Variants in PGBD1 observed in about 807,000 individuals in gnomAD.
The protein encoded by PGBD1 is piggyBac transposable element-derived protein 1.
PGBD1 carries 25 observed loss-of-function variants against 34.7 expected under a neutral mutation model. That is an observed-to-expected ratio of 0.72 (90% confidence interval 0.52 to 1.00). The LOEUF (loss-of-function observed/expected upper bound fraction) is 1.00, where lower values mean the gene tolerates loss of function less well. Among genes scored for constraint, PGBD1 ranks in the 50% least tolerant of loss-of-function variants. The pLI is 0.00. For synonymous variants in PGBD1, 292 were observed against 335.7 expected (o/e 0.87, Z 1.42); for missense variants, 830 against 959.4 (o/e 0.87, Z 1.78).
intron 3 of PGBD1, 114 bp downstream of exon 3, chr6:28,285,821 A>G (rs564358812): frequency 1.8e-6 from 2 of 1,093,660 alleles, no homozygotes; most frequent in South Asian, 1.7e-5. Context: ...AAGCTAACTT[A>G]CATATCTCAC....
intron 1 of PGBD1, among the ~76,000 whole-genome samples, chr6:28,282,306 A>C (rs1762151987): frequency 6.6e-6 from 1 of 152,238 alleles, no homozygotes; most frequent in Non-Finnish European, 1.5e-5. Context: ...CTGGAAAATA[A>C]TGAGATGCTC....
chr6:28,285,756 C>T, intron 3 of PGBD1, 49 bp downstream of exon 3: 2 of 1,572,154 alleles, frequency 1.3e-6, no homozygotes, highest in Non-Finnish European at 1.7e-6. Context: ...TGGCCACTGA[C>T]ACTTGCACAG....
At chr6:28,291,123 C>A (rs1194741350) in intron 4 of PGBD1, among the ~76,000 whole-genome samples, 3 of 97,252 alleles carry the variant, frequency 3.1e-5, no homozygotes, top group Non-Finnish European at 3.9e-5. Context: ...GAAATTGAGA[C>A]CAAAAAAAAA....
intron 3 of PGBD1, among the ~76,000 whole-genome samples, chr6:28,286,139 G>A (rs989231230): frequency 9.9e-5 from 15 of 152,174 alleles, no homozygotes; most frequent in Non-Finnish European, 2.1e-4. Flanking sequence ...TCGGGGCAAG[G>A]CTGTTTTTTT....
rs139975763 is a variant in PGBD1 at position 28,301,883 on chromosome 6, C to T, written c.2029C>T (p.Arg677Ter). The change falls in exon 7 of 7, where the codon CGA becomes TGA. Residue 677 changes from arginine to a stop codon, truncating the protein, a stop_gained. Transcript: ENST00000682144. LOFTEE classifies it low-confidence loss of function (END_TRUNC). Reference protein sequence around the residue: ...KKMKRGYFDFRIEENNEIILC... With the variant: ...KKMKRGYFDF ...AATGAAGAGAGGGTATTTTGATTTC[C>T]GAATAGAAGAAAACAATGAGATAAT... The T allele has an allele frequency of 5.0e-6, 8 of 1,613,912 alleles. No homozygotes were observed. Among genetic ancestry groups the T allele is most frequent in the East Asian group, 2.2e-5 (1 of 44,870 alleles).
At chr6:28,290,962 G>C (rs998198532) in intron 4 of PGBD1, among the ~76,000 whole-genome samples, 1 of 151,760 alleles carries the variant, frequency 6.6e-6, no homozygotes, top group Non-Finnish European at 1.5e-5. Context: ...GTACTAAGAA[G>C]GAAATTTATA....
At chr6:28,289,484 CTT>C (rs1225088671) in intron 4 of PGBD1, among the ~76,000 whole-genome samples, 4 of 152,150 alleles carry the variant, frequency 2.6e-5, no homozygotes, top group African/African-American at 9.7e-5. Context: ...ATAAAGAAAA[CTT>C]TTGAAGGCAT....
At chr6:28,290,209 C>T (rs1762404058) in intron 4 of PGBD1, among the ~76,000 whole-genome samples, 1 of 152,162 alleles carries the variant, frequency 6.6e-6, no homozygotes, top group African/African-American at 2.4e-5. Flanking sequence ...GATCCTTCCA[C>T]CTCAGCCTCC....
chr6:28,297,195 C>T (rs1344267016), intron 5 of PGBD1, among the ~76,000 whole-genome samples: 1 of 152,064 alleles, frequency 6.6e-6, no homozygotes, highest in Non-Finnish European at 1.5e-5. Context: ...TCCCTGATTC[C>T]TTCAGTGACT....
chr6:28,288,838 A>C (rs1018584072), intron 4 of PGBD1, among the ~76,000 whole-genome samples: 20 of 151,986 alleles, frequency 1.3e-4, no homozygotes, highest in Non-Finnish European at 2.8e-4. Context: ...AAATACAAAA[A>C]AAAGGAGCCA....
At chr6:28,287,981 T>C (rs1460714274) in intron 4 of PGBD1, among the ~76,000 whole-genome samples, 2 of 152,210 alleles carry the variant, frequency 1.3e-5, no homozygotes, top group African/African-American at 2.4e-5. Context: ...AAAATGCAAG[T>C]GCTTGATGTG....
rs1762845314 is a variant in PGBD1, at chr6:28,301,652, C to A, written c.1798C>A (p.Leu600Ile). The stretch of plus-strand genomic sequence containing the variant: ...TATGAAGGTAGATGAGGATCCTGAT[C>A]TTGGGTTAGGTGGAAATCTAGTGAT... ...STMKVDEDPDLGLGGNLVMNF... is the reference protein window; with the variant it reads ...STMKVDEDPDIGLGGNLVMNF... Residue 600 changes from leucine to isoleucine, a missense_variant, in exon 7 of 7, where the codon CTT becomes ATT. By Grantham distance (5) the Leu-to-Ile change is conservative. This residue lies in a region of PGBD1 where 372 missense variants were observed against 427.9 expected (regional missense o/e 0.87). Transcript: ENST00000682144. 8.7e-6 allele frequency: 14 copies of A among 1,614,100 alleles called. No homozygotes were observed. The highest frequency in any genetic ancestry group is 1.2e-5 in the Non-Finnish European group (14 of 1,180,006).
chr6:28,287,049 C>T (rs1762306632), intron 3 of PGBD1, 31 bp from the exon 4 acceptor site: 1 of 1,563,250 alleles, frequency 6.4e-7, no homozygotes, highest in Admixed American at 1.7e-5. Context: ...CATCATGTCT[C>T]ATTTAGGACT....
rs1181275574 is a variant in PGBD1, at chr6:28,301,932, G to A, written c.2078G>A (p.Gly693Asp). 1 of 1,614,168 alleles carries A rather than the reference G, an allele frequency of 6.2e-7. No individual in the cohort carries two copies. Among genetic ancestry groups the A allele is most frequent in the Non-Finnish European group, 8.5e-7 (1 of 1,180,030 alleles). The change falls in exon 7 of 7, where the codon GGC becomes GAC. Residue 693 changes from glycine to aspartate, a missense_variant. Physicochemically the swap from Gly to Asp is moderately conservative, Grantham distance 94. This residue lies in a region of PGBD1 where 372 missense variants were observed against 427.9 expected (regional missense o/e 0.87). Coordinates refer to ENST00000682144, the MANE Select transcript of PGBD1 (RefSeq NM_032507.4). Reference protein sequence around the residue: ...EIILCRWYGDGIISLCSNAVG... With the variant: ...EIILCRWYGDDIISLCSNAVG... ...ATTTTGTGTCGTTGGTATGGGGATG[G>A]CATTATCAGTCTGTGCTCCAATGCT...
chr6:28,301,829 C>A lies in PGBD1; in HGVS notation c.1975C>A (p.Pro659Thr). The change falls in exon 7 of 7, where the codon CCC becomes ACC. Residue 659 changes from proline to threonine, a missense_variant. Coordinates refer to ENST00000682144, the MANE Select transcript of PGBD1 (RefSeq NM_032507.4). ...TIRENRTEKCPLMNVEHMKKM... is the reference protein window; with the variant it reads ...TIRENRTEKCTLMNVEHMKKM... ...TCGTGAGAACAGGACCGAAAAATGT[C>A]CCCTTATGAATGTAGAACATATGAA... 1 of 1,613,996 alleles carries A rather than the reference C, an allele frequency of 6.2e-7. No homozygotes were observed.
At chr6:28,291,550 CAAA>C (rs56160771) in intron 4 of PGBD1, among the ~76,000 whole-genome samples, 1 of 120,612 alleles carries the variant, frequency 8.3e-6, no homozygotes, top group African/African-American at 2.8e-5. Context: ...TCAAATTCTT[CAAA>C]AAAAAAAAAA....
intron 3 of PGBD1, 47 bp from the exon 4 acceptor site, chr6:28,287,033 A>G (rs750698904): frequency 1.4e-6 from 2 of 1,459,068 alleles, no homozygotes; most frequent in South Asian, 1.1e-5. Context: ...AGGGTACCCT[A>G]AAGGCCATCA....
intron 3 of PGBD1, 143 bp from the exon 4 acceptor site, chr6:28,286,937 C>T: frequency 1.5e-6 from 1 of 655,540 alleles, no homozygotes; most frequent in East Asian, 2.7e-5. Flanking sequence ...AGTTGTGATG[C>T]TCTTTCTCAC....
At chr6:28,289,181 G>C (rs895119677) in intron 4 of PGBD1, among the ~76,000 whole-genome samples, 2 of 152,068 alleles carry the variant, frequency 1.3e-5, no homozygotes, top group Non-Finnish European at 2.9e-5. Flanking sequence ...AGGAAAAAGA[G>C]AGGATCTGAA....
Sources: gnomAD v4.1 joint callset for allele counts (sites outside exome capture counted in the v4.1 genomes callset) on GRCh38, gnomAD v4.1.1 for gene constraint, gnomAD v4.1.1 regional missense constraint, MANE v1.5 for transcripts, NCBI Gene and HGNC (gene_info 2026-07-23, HGNC 2026-07-21) for gene names.